The following ALK variants were observed in gnomAD, a reference collection of about 807,000 sequenced individuals.
ALK encodes ALK tyrosine kinase receptor.
A neutral mutation model predicts 163.1 loss-of-function variants in ALK; 74 were observed. The ratio of observed to expected loss-of-function variants is 0.45; its 90% CI spans 0.38 to 0.55. The LOEUF (loss-of-function observed/expected upper bound fraction) is 0.55, where lower values mean the gene tolerates loss of function less well. Among genes scored for constraint, ALK ranks in the 20% least tolerant of loss-of-function variants. ALK has a pLI of 0.00. For synonymous variants in ALK, 960 were observed against 843.2 expected, an observed-to-expected ratio of 1.14 and a Z score of -2.40; for missense variants, 2,063 against 2,105.3, an observed-to-expected ratio of 0.98 and a Z score of 0.39.
chr2:29,671,377 T>G (rs1424480943), intron 3 of ALK, among the ~76,000 whole-genome samples: 1 of 152,098 alleles, frequency 6.6e-6, no homozygotes, highest in South Asian at 2.1e-4. Context: ...AACAGCCACA[T>G]TGATTTGGCA....
At chr2:29,448,909 G>A (rs1187048065) in intron 4 of ALK, among the ~76,000 whole-genome samples, 2 of 152,154 alleles carry the variant, frequency 1.3e-5, no homozygotes, top group Non-Finnish European at 2.9e-5. Flanking sequence ...AGGGGATCTC[G>A]CTGCTTCCCC....
chr2:29,718,219 G>A (rs1284403052), intron 1 of ALK, among the ~76,000 whole-genome samples: 2 of 152,178 alleles, frequency 1.3e-5, no homozygotes, highest in Non-Finnish European at 2.9e-5. Context: ...GAAGCTAGGT[G>A]ACCGGAGTTT....
intron 3 of ALK, among the ~76,000 whole-genome samples, chr2:29,567,401 T>G (rs1042929636): frequency 2.6e-5 from 4 of 152,218 alleles, no homozygotes; most frequent in African/African-American, 9.6e-5. Flanking sequence ...CGCTCATAAA[T>G]GGGCAGGGGT....
At chr2:29,646,561 A>T (rs1676881621) in intron 3 of ALK, among the ~76,000 whole-genome samples, 1 of 152,098 alleles carries the variant, frequency 6.6e-6, no homozygotes, top group South Asian at 2.1e-4. Context: ...CCTGCCCTGA[A>T]GCCTCTTTGA....
chr2:29,888,953 A>G (rs1667061585), intron 1 of ALK, among the ~76,000 whole-genome samples: 1 of 152,212 alleles, frequency 6.6e-6, no homozygotes, highest in Admixed American at 6.5e-5. Flanking sequence ...TTGTTAAGTG[A>G]AGTCCTAAGG....
At chr2:29,536,681 G>C (rs1673265264) in intron 3 of ALK, among the ~76,000 whole-genome samples, 1 of 152,144 alleles carries the variant, frequency 6.6e-6, no homozygotes, top group African/African-American at 2.4e-5. Context: ...ATTTGGGCGG[G>C]AGAAGCTCAC....
intron 1 of ALK, among the ~76,000 whole-genome samples, chr2:29,759,010 G>A (rs1573612557): frequency 2.6e-5 from 4 of 152,016 alleles, no homozygotes; most frequent in Middle Eastern, 6.8e-3. Flanking sequence ...ACTTCACTTT[G>A]GACATAATGA....
chr2:29,571,556 CAATT>C (rs1674369019), intron 3 of ALK, among the ~76,000 whole-genome samples: 1 of 143,544 alleles, frequency 7.0e-6, no homozygotes, highest in Non-Finnish European at 1.5e-5. Flanking sequence ...AACTGTGAGT[CAATT>C]AAACCTCTTT....
At chr2:29,399,370 T>G (rs1669388896) in intron 4 of ALK, among the ~76,000 whole-genome samples, 1 of 152,150 alleles carries the variant, frequency 6.6e-6, no homozygotes, top group South Asian at 2.1e-4. Flanking sequence ...CTCAGTACAC[T>G]CTTTACCATC....
intron 5 of ALK, among the ~76,000 whole-genome samples, chr2:29,378,870 C>G (rs1406646846): frequency 6.6e-6 from 1 of 152,148 alleles, no homozygotes; most frequent in Non-Finnish European, 1.5e-5. Flanking sequence ...GCCACCATGC[C>G]TGGCTACTTT....
intron 27 of ALK, among the ~76,000 whole-genome samples, 181 bp downstream of exon 27, chr2:29,197,361 T>C (rs764499410): frequency 3.0e-4 from 46 of 152,142 alleles, no homozygotes; most frequent in Admixed American, 7.2e-4. Flanking sequence ...ATCCTTGCTT[T>C]TGAGGGCCTG....
At chr2:29,795,079 C>T (rs187134980) in intron 1 of ALK, among the ~76,000 whole-genome samples, 20 of 152,076 alleles carry the variant, frequency 1.3e-4, no homozygotes, top group East Asian at 5.8e-4. Context: ...TTACAACAAA[C>T]GTAGTAGATG....
chr2:29,853,150 C>A lies in ALK; in HGVS notation c.667+66843G>T, dbSNP rs559521466. On this transcript the variant is annotated intron_variant, in intron 1 of 28. Transcript: ENST00000389048. ...ATTAATATATGGGAATCGAAAGCAG[C>A]CTTATTGATTTAGGCTTTAAACATC... Among the ~76,000 whole-genome samples, 589 of 152,240 alleles carry A rather than the reference C, an allele frequency of 3.9e-3. 3 individuals carry two copies. The highest frequency in any genetic ancestry group is 0.014 in the African/African-American group (562 of 41,550).
At chr2:29,749,729 C>T (rs1025899121) in intron 1 of ALK, among the ~76,000 whole-genome samples, 17 of 152,124 alleles carry the variant, frequency 1.1e-4, no homozygotes, top group African/African-American at 3.9e-4. Flanking sequence ...TATTAGCCCA[C>T]ATAAGGCAAC....
intron 13 of ALK, among the ~76,000 whole-genome samples, chr2:29,236,218 C>G (rs1664377486): frequency 6.6e-6 from 1 of 152,102 alleles, no homozygotes; most frequent in South Asian, 2.1e-4. Context: ...CCTGGACTTG[C>G]CTCCTCATCT....
chr2:29,532,640 C>T (rs1159624169), intron 3 of ALK, among the ~76,000 whole-genome samples: 1 of 152,192 alleles, frequency 6.6e-6, no homozygotes, highest in Non-Finnish European at 1.5e-5. Context: ...CCCTACAAAT[C>T]TCCCCTGTTG....
intron 1 of ALK, among the ~76,000 whole-genome samples, chr2:29,903,169 G>A (rs982388519): frequency 5.3e-5 from 8 of 152,064 alleles, no homozygotes; most frequent in Non-Finnish European, 8.8e-5. Context: ...CTATAGAACC[G>A]TACAAAGTCC....
At chr2:29,554,870 A>C (rs959528110) in intron 3 of ALK, among the ~76,000 whole-genome samples, 7 of 152,158 alleles carry the variant, frequency 4.6e-5, no homozygotes, top group African/African-American at 1.7e-4. Flanking sequence ...ACCAAAACCA[A>C]GATGGTGACG....
intron 3 of ALK, among the ~76,000 whole-genome samples, chr2:29,597,758 T>G (rs1443904380): frequency 6.6e-6 from 1 of 152,224 alleles, no homozygotes; most frequent in Non-Finnish European, 1.5e-5. Context: ...TGAAGACTCC[T>G]GGAGCGTTCT....
Sources: allele counts gnomAD v4.1 joint callset (sites outside exome capture counted in the v4.1 genomes callset), GRCh38; gene constraint gnomAD v4.1.1; transcripts MANE v1.5; gene names NCBI Gene and HGNC (gene_info 2026-07-23, HGNC 2026-07-21).